IQCM: variants seen among roughly 807,000 people sequenced by gnomAD.
The protein encoded by IQCM is IQ domain-containing protein M.
IQCM carries 45 observed loss-of-function variants against 57.6 expected under a neutral mutation model. That is an observed-to-expected ratio of 0.78 (90% CI 0.62 to 1.00). The LOEUF (loss-of-function observed/expected upper bound fraction) is 1.00. Ranked by LOEUF, IQCM falls within the 50% of genes least tolerant of loss-of-function variation. The pLI is 0.00. For missense variants in IQCM, 468 were observed against 511.6 expected (o/e 0.91, Z 0.82); for synonymous variants, 148 against 158.9 (o/e 0.93, Z 0.51).
intron 13 of IQCM, among the ~76,000 whole-genome samples, chr4:149,418,948 C>A (rs1284620807): frequency 6.6e-6 from 1 of 152,056 alleles, no homozygotes; most frequent in Non-Finnish European, 1.5e-5. Context: ...AAGTGAAGGA[C>A]CTCTTCAAGG....
At chr4:149,389,536 T>C (rs1428846271) in intron 13 of IQCM, among the ~76,000 whole-genome samples, 7 of 151,828 alleles carry the variant, frequency 4.6e-5, no homozygotes, top group Admixed American at 3.9e-4. Flanking sequence ...CCATAAAAAA[T>C]GATGAGTTCA....
chr4:149,597,049 T>A (rs1474243307), intron 8 of IQCM, among the ~76,000 whole-genome samples: 1 of 152,080 alleles, frequency 6.6e-6, no homozygotes, highest in Non-Finnish European at 1.5e-5. Context: ...AAGAATGAAA[T>A]TCCATTTCTA....
chr4:149,723,877 T>C (rs987490305), intron 5 of IQCM, among the ~76,000 whole-genome samples: 1 of 151,986 alleles, frequency 6.6e-6, no homozygotes, highest in Non-Finnish European at 1.5e-5. Flanking sequence ...CAATTCTACT[T>C]TGGATGTCTG....
intron 13 of IQCM, among the ~76,000 whole-genome samples, chr4:149,382,192 G>A (rs560992795): frequency 6.6e-6 from 1 of 152,172 alleles, no homozygotes; most frequent in Non-Finnish European, 1.5e-5. Context: ...CATGTTTCTA[G>A]AATGGTGCCT....
chr4:149,619,131 T>TATATATATATATATATAC (rs1491165190), intron 8 of IQCM, among the ~76,000 whole-genome samples: 4 of 141,998 alleles, frequency 2.8e-5, no homozygotes, highest in East Asian at 4.1e-4. Context: ...TATATATATA[T>TATATATATATATATATAC]ACACCATGGA....
intron 2 of IQCM, among the ~76,000 whole-genome samples, chr4:149,794,186 T>C (rs1371607667): frequency 1.3e-5 from 2 of 152,186 alleles, no homozygotes; most frequent in Non-Finnish European, 2.9e-5. Flanking sequence ...CAGGAGTAGA[T>C]TGTAGGGCAG....
At chr4:149,772,832 G>GAACACTTTGTGGAACATGTTTATTA (rs1770711160) in intron 2 of IQCM, among the ~76,000 whole-genome samples, 1 of 152,138 alleles carries the variant, frequency 6.6e-6, no homozygotes, top group East Asian at 1.9e-4. Flanking sequence ...CTAATATTGT[G>GAACACTTTGTGGAACATGTTTATTA]AACACTTTGT....
chr4:149,678,968 T>C (rs1202448961), intron 7 of IQCM, among the ~76,000 whole-genome samples: 2 of 151,720 alleles, frequency 1.3e-5, no homozygotes, highest in Non-Finnish European at 3.0e-5. Context: ...CAGAACAGTA[T>C]GAAGTTTCCT....
At chr4:149,701,989 A>G (rs1763806778) in intron 5 of IQCM, among the ~76,000 whole-genome samples, 1 of 151,928 alleles carries the variant, frequency 6.6e-6, no homozygotes, top group South Asian at 2.1e-4. Context: ...ATATGCTCCA[A>G]CATAACAAGC....
intron 12 of IQCM, among the ~76,000 whole-genome samples, chr4:149,481,320 C>A (rs1579208898): frequency 6.6e-6 from 1 of 151,876 alleles, no homozygotes; most frequent in East Asian, 1.9e-4. Flanking sequence ...TACTCAATAA[C>A]TTTTTGCCCA....
intron 12 of IQCM, among the ~76,000 whole-genome samples, chr4:149,466,530 C>G (rs1402028534): frequency 6.6e-6 from 1 of 152,084 alleles, no homozygotes; most frequent in Non-Finnish European, 1.5e-5. Flanking sequence ...TATGAGAAAA[C>G]AGTTGGCAAT....
intron 8 of IQCM, among the ~76,000 whole-genome samples, chr4:149,588,521 G>C (rs763101616): frequency 6.6e-6 from 1 of 151,878 alleles, no homozygotes; most frequent in Non-Finnish European, 1.5e-5. Flanking sequence ...CCCTCAATGT[G>C]ACTGTACTTG....
intron 2 of IQCM, among the ~76,000 whole-genome samples, chr4:149,775,956 T>C (rs1407611676): frequency 6.6e-6 from 1 of 152,154 alleles, no homozygotes; most frequent in Non-Finnish European, 1.5e-5. Flanking sequence ...ATAATAACTG[T>C]ATTTTAGATG....
chr4:149,488,509 T>A (rs1741757592), intron 12 of IQCM, among the ~76,000 whole-genome samples: 1 of 152,158 alleles, frequency 6.6e-6, no homozygotes, highest in Admixed American at 6.6e-5. Context: ...CATAAATACA[T>A]TATGTAAAGT....
At chr4:149,624,006 C>G (rs1035582660) in intron 7 of IQCM, among the ~76,000 whole-genome samples, 1 of 152,066 alleles carries the variant, frequency 6.6e-6, no homozygotes, top group Non-Finnish European at 1.5e-5. Flanking sequence ...TGTGTTTCTT[C>G]AATATTTTAG....
intron 13 of IQCM, among the ~76,000 whole-genome samples, chr4:149,419,487 TAACTC>T (rs1264341106): frequency 6.6e-6 from 1 of 152,056 alleles, no homozygotes; most frequent in Non-Finnish European, 1.5e-5. Context: ...ATACAAAAAT[TAACTC>T]AAGATTGATT....
chr4:149,550,752 CG>C (rs1289634389), intron 11 of IQCM, among the ~76,000 whole-genome samples: 7 of 152,112 alleles, frequency 4.6e-5, no homozygotes, highest in African/African-American at 7.2e-5. Flanking sequence ...CATCAACACA[CG>C]GAAAGGATGA....
intron 7 of IQCM, among the ~76,000 whole-genome samples, chr4:149,656,032 C>G (rs973484329): frequency 6.6e-6 from 1 of 152,070 alleles, no homozygotes; most frequent in African/African-American, 2.4e-5. Context: ...GAATCACAAG[C>G]CAGATACTTG....
At position 149,462,046 on chromosome 4, in the gene IQCM, C is replaced by T. The variant is rs1371235997; in HGVS notation, c.1229-28489G>A. Among the ~76,000 whole-genome samples the T allele has an allele frequency of 2.6e-5, 4 of 152,094 alleles. No homozygotes were observed. In the East Asian group the frequency reaches 7.7e-4, roughly 29 times the overall value. On this transcript the variant is annotated intron_variant, in intron 12 of 13. Transcript: ENST00000636793. ...TTTATGTATTACATATATGTTATTA[C>T]CTCTATCAATATACTGTACTTAAAA...
Sources: allele counts gnomAD v4.1 joint callset (sites outside exome capture counted in the v4.1 genomes callset), GRCh38; gene constraint gnomAD v4.1.1; transcripts MANE v1.5; gene names NCBI Gene and HGNC (gene_info 2026-07-23, HGNC 2026-07-21).